The following AGFG2 variants were observed in gnomAD, a reference collection of about 807,000 sequenced individuals.
The protein encoded by AGFG2 is ArfGAP with FG repeats 2, also known as arf-GAP domain and FG repeat-containing protein 2.
AGFG2 carries 31 observed loss-of-function variants against 48.0 expected under a neutral mutation model. That is an observed-to-expected ratio of 0.65 (90% CI 0.49 to 0.87). AGFG2 has a LOEUF of 0.87. Among genes scored for constraint, AGFG2 ranks in the 40% least tolerant of loss-of-function variants. The pLI, the probability that AGFG2 is intolerant of heterozygous loss-of-function variation, is 0.00. For missense variants in AGFG2, 599 were observed against 632.6 expected (o/e 0.95, Z 0.57); for synonymous variants, 229 against 260.8 (o/e 0.88, Z 1.18).
intron 6 of AGFG2, among the ~76,000 whole-genome samples, chr7:100,557,007 G>A (rs1291657928): frequency 6.6e-6 from 1 of 152,090 alleles, no homozygotes; most frequent in Non-Finnish European, 1.5e-5. Flanking sequence ...ACATAAGCCT[G>A]GCCAACATGG....
In AGFG2 at chr7:100,565,281, C is replaced by T. The variant is rs1800982968; in HGVS notation, c.*290C>T. Reference sequence around the variant, plus strand: ...AGGGATTTTTTTCAAATGATCAGTCCCCTGTGGAACAGCTCTTCCCTGGGC... The same window carrying T: ...AGGGATTTTTTTCAAATGATCAGTCTCCTGTGGAACAGCTCTTCCCTGGGC... On this transcript the variant is annotated 3_prime_UTR_variant, in exon 12 of 12. Transcript: ENST00000300176. 2.0e-6 allele frequency: 1 copy of T among 497,638 alleles called. No individual in the cohort carries two copies. The highest frequency in any genetic ancestry group is 2.2e-5 in the South Asian group (1 of 46,386). The allele number at this position is 497,638 out of a possible 1,614,324, so 30.8% of individuals were successfully genotyped here.
At chr7:100,541,755 ACT>A (rs1800425280) in intron 1 of AGFG2, among the ~76,000 whole-genome samples, 1 of 146,244 alleles carries the variant, frequency 6.8e-6, no homozygotes, top group Non-Finnish European at 1.5e-5. Context: ...GCAGAGCGAG[ACT>A]CTGTCTCACA....
chr7:100,564,362 C>T, intron 11 of AGFG2, 59 bp downstream of exon 11: 1 of 1,533,806 alleles, frequency 6.5e-7, no homozygotes, highest in Non-Finnish European at 8.9e-7. Flanking sequence ...CTGGGACAAT[C>T]CTTCCAGAAG....
rs750534703 is a variant in AGFG2 at position 100,562,558 on chromosome 7, G to T, written c.999-36G>T. 6.2e-7 allele frequency: 1 copy of T among 1,613,194 alleles called. No individual in the cohort carries two copies. The stretch of plus-strand genomic sequence containing the variant: ...CCTTGCTCAGGTTTGATTGGCCCTG[G>T]CAGCTGTGTATGACTTCTCTCTCCC... On this transcript the variant is annotated intron_variant, in intron 7 of 11. Coordinates refer to ENST00000300176, the MANE Select transcript of AGFG2 (RefSeq NM_006076.5). The surrounding 1 kb of genome is among the most constrained non-coding windows in gnomAD (Gnocchi z 5.4).
At position 100,539,225 on chromosome 7, in the gene AGFG2, G is replaced by T. The variant is rs1342912624; in HGVS notation, c.-122G>T. ...GGTGGTGGACGGCGAAGTCTCCTGC[G>T]GATGCCGCCCGCTCCCGAGCTTCTG... On this transcript the variant is annotated 5_prime_UTR_variant, in exon 1 of 12. Transcript: ENST00000300176. 3 of 1,033,672 alleles carry T rather than the reference G, an allele frequency of 2.9e-6. No homozygotes were observed. The highest frequency in any genetic ancestry group is 1.7e-5 in the African/African-American group (1 of 60,164). The allele number at this position is 1,033,672 out of a possible 1,614,324, so 64.0% of individuals were successfully genotyped here.
rs948752593 is a variant in AGFG2 at position 100,563,022 on chromosome 7, T to G, written c.1171+76T>G. On this transcript the variant is annotated intron_variant, in intron 9 of 11. Transcript: ENST00000300176. ...ACACATTACCCTGCAGCCTCTCCCT[T>G]AACCCTTTGTCTCACGCTGTCAGGA... 4.4e-5 allele frequency: 61 copies of G among 1,386,332 alleles called. No individual in the cohort carries two copies. In the African/African-American group the frequency reaches 7.9e-4, roughly 18 times the overall value. 85.9% of individuals were successfully genotyped at this position (1,386,332 alleles called of 1,614,324 possible). A position where few individuals can be genotyped will look rare whatever the true frequency, so the allele number is the denominator to read the frequency against.
At chr7:100,558,146 G>A (rs1185714302) in intron 6 of AGFG2, among the ~76,000 whole-genome samples, 3 of 152,118 alleles carry the variant, frequency 2.0e-5, no homozygotes, top group African/African-American at 2.4e-5. Context: ...CCCGGGAGGC[G>A]GAGGTTGCAG....
intron 4 of AGFG2, 150 bp from the exon 5 acceptor site, chr7:100,553,943 C>T: frequency 1.1e-6 from 1 of 918,184 alleles, no homozygotes; most frequent in Non-Finnish European, 1.6e-6. Context: ...GGGGCTAAGG[C>T]AGCTCCTGCC....
chr7:100,555,881 G>A (rs376601475), intron 6 of AGFG2, 146 bp downstream of exon 6: 52 of 1,145,910 alleles, frequency 4.5e-5, no homozygotes, highest in Admixed American at 3.3e-4. Context: ...GAGGATGAGC[G>A]TGTCTGACAC....
At position 100,562,357 on chromosome 7, in the gene AGFG2, C is replaced by G. The variant is rs1275574800; in HGVS notation, c.976C>G (p.Pro326Ala). The part of the protein sequence containing the change: ...DVGSFLGPGV[P>A]AAGVPSSLFG... ...GGGCAGCTTCCTGGGACCCGGGGTG[C>G]CCGCTGCAGGTGTTCCTAGCAGGTA... Residue 326 changes from proline (P) to alanine (A), a missense_variant, in exon 7 of 12, where the codon CCC becomes GCC. Transcript: ENST00000300176. This position sits in a 1 kb window ranked among gnomAD's most constrained non-coding sequence, Gnocchi z 5.4. 4 of 1,613,946 alleles carry G rather than the reference C, an allele frequency of 2.5e-6. No homozygotes were observed. Among genetic ancestry groups the G allele is most frequent in the Non-Finnish European group, 3.4e-6 (4 of 1,179,932 alleles).
intron 3 of AGFG2, among the ~76,000 whole-genome samples, chr7:100,552,649 C>T (rs1800670696): frequency 1.3e-5 from 2 of 152,330 alleles, no homozygotes; most frequent in South Asian, 2.1e-4. Flanking sequence ...GATAAGACCA[C>T]ACTGTGGAGT....
chr7:100,545,308 A>G (rs539659728), intron 1 of AGFG2, among the ~76,000 whole-genome samples: 3 of 152,288 alleles, frequency 2.0e-5, no homozygotes, highest in East Asian at 1.9e-4. Context: ...AAGCAAAAAT[A>G]TGGGCCAGCA....
chr7:100,541,766 C>CAAAAA (rs11285690), intron 1 of AGFG2, among the ~76,000 whole-genome samples: 2 of 65,526 alleles, frequency 3.1e-5, no homozygotes, highest in African/African-American at 1.2e-4. Context: ...CTCTGTCTCA[C>CAAAAA]AAAAAAAAAA....
intron 3 of AGFG2, among the ~76,000 whole-genome samples, chr7:100,551,062 A>ATTTTT (rs1562791881): frequency 6.8e-5 from 5 of 73,900 alleles, no homozygotes; most frequent in African/African-American, 2.8e-4. Flanking sequence ...ATATATATAT[A>ATTTTT]TATATTTCTT....
intron 1 of AGFG2, among the ~76,000 whole-genome samples, chr7:100,546,700 T>C (rs747872315): frequency 2.6e-5 from 4 of 152,212 alleles, no homozygotes; most frequent in Non-Finnish European, 5.9e-5. Context: ...CTGGCTAGAC[T>C]TCAGAAAGCC....
intron 1 of AGFG2, 39 bp from the exon 2 acceptor site, chr7:100,548,783 T>A (rs1800562783): frequency 2.0e-6 from 3 of 1,513,244 alleles, no homozygotes; most frequent in Non-Finnish European, 2.8e-6. Flanking sequence ...CCATGCTAAC[T>A]GCATTATACT....
At position 100,549,944 on chromosome 7, in the gene AGFG2, G is replaced by C. The variant is rs529825435; in HGVS notation, c.316-452G>C. 9.3e-4 allele frequency among the ~76,000 whole-genome samples: 142 copies of C among 152,240 alleles called. 1 individual carries two copies. The highest frequency in any genetic ancestry group is 3.2e-3 in the African/African-American group (133 of 41,544). The stretch of plus-strand genomic sequence containing the variant: ...CGTACTCAAGTGATCCACCCACCTC[G>C]GCCTTTCAAAGTGCTGAGATTACAG... On this transcript the variant is annotated intron_variant, in intron 2 of 11. Coordinates refer to ENST00000300176, the MANE Select transcript of AGFG2 (RefSeq NM_006076.5).
In AGFG2 at chr7:100,562,646, G is replaced by T. The variant is rs142258495; in HGVS notation, c.1051G>T (p.Gly351Cys). 28 of 1,610,336 alleles carry T rather than the reference G, an allele frequency of 1.7e-5. No individual in the cohort carries two copies. The African/African-American group carries it at 3.1e-4, about 18-fold the overall frequency. The part of the protein sequence containing the change: ...VPPLQSVTMG[G>C]GGGSSTGLAF... ...CCCGCTCCAGTCTGTCACGATGGGC[G>T]GCGGCGGCGGCAGCAGCACAGGGCT... The change falls in exon 8 of 12, where the codon GGC becomes TGC. Residue 351 changes from glycine to cysteine, a missense_variant. Coordinates refer to ENST00000300176, the MANE Select transcript of AGFG2 (RefSeq NM_006076.5). This position sits in a 1 kb window ranked among gnomAD's most constrained non-coding sequence, Gnocchi z 5.4.
Position 100,555,648 on chromosome 7 carries a change from G to T in AGFG2, c.790G>T (p.Ala264Ser), listed in dbSNP as rs1401854826. ...PSQGGFANFD[A>S]FSSGPSSSVF... ...CCAAGGAGGCTTTGCCAACTTTGAT[G>T]CCTTTAGCAGTGGCCCCAGCTCTTC... The change falls in exon 6 of 12, where the codon GCC becomes TCC. Residue 264 changes from alanine to serine, a missense_variant. Physicochemically the swap from Ala to Ser is moderately conservative, Grantham distance 99. Coordinates refer to ENST00000300176, the MANE Select transcript of AGFG2 (RefSeq NM_006076.5). 2 of 1,613,914 alleles carry T rather than the reference G, an allele frequency of 1.2e-6. No individual in the cohort carries two copies. Among genetic ancestry groups the T allele is most frequent in the African/African-American group, 2.7e-5 (2 of 74,926 alleles).
Sources: gnomAD v4.1 joint callset for allele counts (sites outside exome capture counted in the v4.1 genomes callset) on GRCh38, gnomAD v4.1.1 for gene constraint, Gnocchi (gnomAD v3.1) non-coding constraint, MANE v1.5 for transcripts, NCBI Gene and HGNC (gene_info 2026-07-23, HGNC 2026-07-21) for gene names.